Variants in OSTF1 observed in about 807,000 individuals in gnomAD.
The protein encoded by OSTF1 is osteoclast-stimulating factor 1.
In OSTF1, 27 loss-of-function variants were observed where a neutral mutation model predicts 37.2. The ratio of observed to expected loss-of-function variants is 0.73; its 90% CI spans 0.54 to 1.00. The LOEUF (loss-of-function observed/expected upper bound fraction) is 1.00, where lower values mean the gene tolerates loss of function less well. Ranked by LOEUF, OSTF1 falls within the 50% of genes least tolerant of loss-of-function variation. OSTF1 has a pLI of 0.00. For missense variants in OSTF1, 232 were observed against 253.8 expected (o/e 0.91, Z 0.58); for synonymous variants, 82 against 89.2 (o/e 0.92, Z 0.46).
intron 1 of OSTF1, among the ~76,000 whole-genome samples, chr9:75,095,655 C>CA (rs1251989588): frequency 1.3e-5 from 2 of 152,082 alleles, no homozygotes; most frequent in African/African-American, 4.8e-5. Context: ...AACTGTGAAC[C>CA]AGATAATTTT....
rs565599388 is a variant in OSTF1 at position 75,127,792 on chromosome 9, G to A, written c.132+173G>A. ...AAAATAGCCCTTATTTCCATCAATAGGGAAAGAGTTGAATAAGCTTTGGTC... is the reference window on the plus strand; with the variant it reads ...AAAATAGCCCTTATTTCCATCAATAAGGAAAGAGTTGAATAAGCTTTGGTC... On this transcript the variant is annotated intron_variant, in intron 3 of 9. Coordinates refer to ENST00000346234, the MANE Select transcript of OSTF1 (RefSeq NM_012383.5). Among the ~76,000 whole-genome samples the A allele has an allele frequency of 3.5e-4, 53 of 152,074 alleles. No individual in the cohort carries two copies. In the South Asian group the frequency reaches 0.01, roughly 30 times the overall value.
intron 1 of OSTF1, among the ~76,000 whole-genome samples, chr9:75,114,197 A>G (rs576977748): frequency 4.9e-4 from 75 of 152,184 alleles, no homozygotes; most frequent in African/African-American, 1.7e-3. Context: ...TTAAAAATTC[A>G]TTCTGCCGTT....
At chr9:75,127,847 A>G (rs1281778927) in intron 3 of OSTF1, among the ~76,000 whole-genome samples, 2 of 152,118 alleles carry the variant, frequency 1.3e-5, no homozygotes, top group Non-Finnish European at 2.9e-5. Context: ...ATGCAGCTGT[A>G]GAAAGAAATG....
intron 3 of OSTF1, among the ~76,000 whole-genome samples, chr9:75,128,995 T>C (rs1156388201): frequency 1.3e-5 from 2 of 152,130 alleles, no homozygotes; most frequent in South Asian, 2.1e-4. Context: ...GAGAAATGGC[T>C]GGTACCAAGT....
chr9:75,092,121 G>A (rs941682818), intron 1 of OSTF1, among the ~76,000 whole-genome samples: 1 of 152,208 alleles, frequency 6.6e-6, no homozygotes, highest in South Asian at 2.1e-4. Context: ...AAGGACAAAG[G>A]ACTTGCTGGA....
chr9:75,127,705 A>G (rs1825683309), intron 3 of OSTF1, 86 bp downstream of exon 3: 1 of 710,074 alleles, frequency 1.4e-6, no homozygotes, highest in East Asian at 3.0e-5. Flanking sequence ...ATATATATGT[A>G]CATAGAAATA....
intron 1 of OSTF1, among the ~76,000 whole-genome samples, chr9:75,097,858 T>G (rs937331806): frequency 6.6e-6 from 1 of 151,722 alleles, no homozygotes; most frequent in Non-Finnish European, 1.5e-5. Context: ...CTCAGTTTTT[T>G]TTTTTTTTTT....
At chr9:75,140,491 G>T (rs565361831) in intron 8 of OSTF1, among the ~76,000 whole-genome samples, 20 of 152,250 alleles carry the variant, frequency 1.3e-4, no homozygotes, top group Admixed American at 7.2e-4. Context: ...CTATCCACTT[G>T]GTCTTTTCTA....
chr9:75,110,556 GC>G (rs1825367986), intron 1 of OSTF1, among the ~76,000 whole-genome samples: 1 of 152,150 alleles, frequency 6.6e-6, no homozygotes, highest in Admixed American at 6.5e-5. Context: ...TGTAAGTGAA[GC>G]CCATCTAAGT....
At chr9:75,104,648 A>G (rs1205991656) in intron 1 of OSTF1, among the ~76,000 whole-genome samples, 3 of 152,224 alleles carry the variant, frequency 2.0e-5, no homozygotes, top group Admixed American at 6.5e-5. Flanking sequence ...CTCTCTTGCC[A>G]GTGAGGAGAA....
At chr9:75,143,652 T>G (rs939543869) in intron 9 of OSTF1, among the ~76,000 whole-genome samples, 6 of 152,234 alleles carry the variant, frequency 3.9e-5, no homozygotes, top group Admixed American at 1.3e-4. Context: ...ATTTATTGTT[T>G]GTATGTTTGT....
intron 1 of OSTF1, among the ~76,000 whole-genome samples, chr9:75,099,581 A>T (rs979237143): frequency 5.9e-5 from 9 of 151,948 alleles, no homozygotes; most frequent in African/African-American, 2.2e-4. Context: ...TAATCCCAGC[A>T]CTTTGGGAGG....
At chr9:75,129,011 G>A (rs907924962) in intron 3 of OSTF1, among the ~76,000 whole-genome samples, 1 of 152,052 alleles carries the variant, frequency 6.6e-6, no homozygotes, top group Non-Finnish European at 1.5e-5. Context: ...CAAGTCAGGG[G>A]CAGCAGAGGT....
intron 7 of OSTF1, among the ~76,000 whole-genome samples, chr9:75,137,095 G>A (rs544003738): frequency 1.3e-5 from 2 of 152,244 alleles, no homozygotes; most frequent in African/African-American, 2.4e-5. Context: ...TCATTATTGG[G>A]TCATCTGGCA....
intron 1 of OSTF1, among the ~76,000 whole-genome samples, chr9:75,091,534 G>A (rs1824975921): frequency 6.6e-6 from 1 of 152,224 alleles, no homozygotes; most frequent in African/African-American, 2.4e-5. Context: ...CTGGTTGACA[G>A]CAAGGAGAGT....
chr9:75,101,193 G>A (rs1280742614), intron 1 of OSTF1, among the ~76,000 whole-genome samples: 1 of 152,154 alleles, frequency 6.6e-6, no homozygotes, highest in Non-Finnish European at 1.5e-5. Flanking sequence ...CTCACCACCT[G>A]GGCTGTCTAG....
At chr9:75,094,000 C>T (rs1825027955) in intron 1 of OSTF1, among the ~76,000 whole-genome samples, 1 of 152,108 alleles carries the variant, frequency 6.6e-6, no homozygotes, top group South Asian at 2.1e-4. Context: ...CCTCATATCC[C>T]TGTTTTATGG....
At chr9:75,138,532 C>T (rs376827821) in intron 8 of OSTF1, among the ~76,000 whole-genome samples, 30 of 152,096 alleles carry the variant, frequency 2.0e-4, no homozygotes, top group Middle Eastern at 3.4e-3. Flanking sequence ...ATTTCAAAGA[C>T]TTAGTGAAAC....
chr9:75,131,792 T>C lies in OSTF1; in HGVS notation c.219T>C (p.Ile73=). Residue 73 remains isoleucine (I), a synonymous_variant, in exon 5 of 10, where the codon ATT becomes ATC. Coordinates refer to ENST00000346234, the MANE Select transcript of OSTF1 (RefSeq NM_012383.5). ...TAGTGGCTGAGCAGGCAGAATCCAT[T>C]GACAATCCATTGCATGAAGCAGCAA... is the stretch of plus-strand genomic sequence containing the variant. ...SNYVAEQAES[I]DNPLHEAAKR... is the part of the protein sequence containing the mutation. The C allele has an allele frequency of 6.2e-7, 1 of 1,613,784 alleles. No individual in the cohort carries two copies. Among genetic ancestry groups the C allele is most frequent in the Non-Finnish European group, 8.5e-7 (1 of 1,179,742 alleles).
Sources: allele counts gnomAD v4.1 joint callset (sites outside exome capture counted in the v4.1 genomes callset), GRCh38; gene constraint gnomAD v4.1.1; transcripts MANE v1.5; gene names NCBI Gene and HGNC (gene_info 2026-07-23, HGNC 2026-07-21).